ZGRF1: variants seen among roughly 807,000 people sequenced by gnomAD.
The protein encoded by ZGRF1 is zinc finger GRF-type containing 1, also known as 5'-3' DNA helicase ZGRF1.
Under a neutral mutation model 203.5 loss-of-function variants are expected in ZGRF1, and 196 were observed. That is an observed-to-expected ratio of 0.96 (90% CI 0.86 to 1.08). The LOEUF (loss-of-function observed/expected upper bound fraction) is 1.08, where lower values mean the gene tolerates loss of function less well. ZGRF1 is among the 50% of genes least tolerant of loss of function. The pLI is 0.00. For synonymous variants in ZGRF1, 809 were observed against 841.3 expected (o/e 0.96, Z 0.66); for missense variants, 2,326 against 2,416.3 (o/e 0.96, Z 0.78).
At chr4:112,608,152 G>A (rs1011856190) in intron 8 of ZGRF1, among the ~76,000 whole-genome samples, 4 of 152,072 alleles carry the variant, frequency 2.6e-5, no homozygotes, top group Non-Finnish European at 5.9e-5. Flanking sequence ...CAACTCAAAC[G>A]ATCCTCCTGC....
intron 16 of ZGRF1, among the ~76,000 whole-genome samples, chr4:112,577,710 A>G (rs571007168): frequency 8.1e-6 from 1 of 123,556 alleles, no homozygotes; most frequent in African/African-American, 2.8e-5. Flanking sequence ...AAAGGGATCA[A>G]TTCAACAAGA....
chr4:112,573,451 G>A (rs6533629), intron 16 of ZGRF1, among the ~76,000 whole-genome samples: 73,184 of 151,814 alleles, frequency 0.48, 18,105 homozygotes, highest in East Asian at 0.58. Flanking sequence ...AATTTGATAC[G>A]GTGTATACTG....
intron 22 of ZGRF1, among the ~76,000 whole-genome samples, chr4:112,550,028 T>A (rs1739615162): frequency 1.3e-5 from 2 of 152,022 alleles, no homozygotes; most frequent in South Asian, 4.1e-4. Flanking sequence ...CCGTCTCTAC[T>A]AAACATACAA....
intron 22 of ZGRF1, 22 bp downstream of exon 22, chr4:112,553,813 A>C (rs1312526519): frequency 5.7e-6 from 9 of 1,580,828 alleles, no homozygotes; most frequent in Non-Finnish European, 7.7e-6. Context: ...TCAAGAAACA[A>C]ATTGAAGCTA....
chr4:112,618,595 T>C lies in ZGRF1; in HGVS notation c.1447A>G (p.Lys483Glu), dbSNP rs1560869885. Residue 483 changes from lysine to glutamate, a missense_variant, in exon 6 of 28, where the codon AAA (lysine) becomes GAA (glutamate). Coordinates refer to ENST00000505019, the MANE Select transcript of ZGRF1 (RefSeq NM_018392.5). ...EQSESSLPEL[K>E]HLQIESSNNS... ...TTACTAGATTCAATTTGGAGATGTT[T>C]CAGTTCTGGCAGAGATGACTCTGAT... 1.9e-6 allele frequency: 3 copies of C among 1,613,784 alleles called. No individual in the cohort carries two copies. Among genetic ancestry groups the C allele is most frequent in the Non-Finnish European group, 2.5e-6 (3 of 1,179,846 alleles).
intron 16 of ZGRF1, among the ~76,000 whole-genome samples, chr4:112,566,275 G>A (rs1743050378): frequency 1.4e-5 from 2 of 145,248 alleles, no homozygotes; most frequent in African/African-American, 5.1e-5. Flanking sequence ...TCACTCATAG[G>A]TGGGAATTGA....
At chr4:112,608,687 T>C (rs1251683008) in intron 8 of ZGRF1, among the ~76,000 whole-genome samples, 2 of 152,206 alleles carry the variant, frequency 1.3e-5, no homozygotes, top group African/African-American at 4.8e-5. Flanking sequence ...ACGTGATCAT[T>C]TGTAAGCTAA....
chr4:112,554,685 C>G lies in ZGRF1; in HGVS notation c.5198+20G>C. 7.7e-7 allele frequency: 1 copy of G among 1,305,556 alleles called. No individual in the cohort carries two copies. Among genetic ancestry groups the G allele is most frequent in the East Asian group, 2.5e-5 (1 of 39,552 alleles). The allele number at this position is 1,305,556 out of a possible 1,614,324, so 80.9% of individuals were successfully genotyped here. ...CTTCCCTCTGACCATTCTGTGACTT[C>G]TGGAATTTTGCATTCTTACCTATAA... On this transcript the variant is annotated intron_variant, in intron 21 of 27. Transcript: ENST00000505019.
intron 5 of ZGRF1, 112 bp from the exon 6 acceptor site, chr4:112,619,802 A>C: frequency 1.0e-6 from 1 of 1,003,298 alleles, no homozygotes; most frequent in Non-Finnish European, 1.4e-6. Flanking sequence ...CCTAAGGTAA[A>C]GTAATAATTC....
At chr4:112,607,980 G>A (rs181440149) in intron 8 of ZGRF1, 5 of 151,980 alleles carry the variant, frequency 3.3e-5, no homozygotes, top group Admixed American at 2.0e-4. Flanking sequence ...AAATACAAAT[G>A]TACTCCTATC....
intron 16 of ZGRF1, among the ~76,000 whole-genome samples, chr4:112,574,020 G>A (rs567165951): frequency 1.3e-5 from 2 of 152,238 alleles, no homozygotes; most frequent in African/African-American, 4.8e-5. Flanking sequence ...CTTATACTTA[G>A]AATGAGTACA....
chr4:112,616,257 T>A (rs1367640785), intron 6 of ZGRF1, among the ~76,000 whole-genome samples: 1 of 152,028 alleles, frequency 6.6e-6, no homozygotes, highest in Non-Finnish European at 1.5e-5. Context: ...CAGTGGCTCA[T>A]GCCTGTAATC....
intron 10 of ZGRF1, among the ~76,000 whole-genome samples, chr4:112,596,857 T>C (rs930742421): frequency 1.2e-4 from 19 of 152,106 alleles, no homozygotes; most frequent in African/African-American, 4.6e-4. Flanking sequence ...CCTCCCCAAG[T>C]GCTGGGATTA....
At chr4:112,576,641 CAGT>C (rs1286406145) in intron 16 of ZGRF1, among the ~76,000 whole-genome samples, 1 of 152,118 alleles carries the variant, frequency 6.6e-6, no homozygotes, top group Non-Finnish European at 1.5e-5. Context: ...GCACAAGACT[CAGT>C]AGCCGATTCG....
At chr4:112,631,411 T>C (rs1380030823) in intron 3 of ZGRF1, among the ~76,000 whole-genome samples, 1 of 152,098 alleles carries the variant, frequency 6.6e-6, no homozygotes. Flanking sequence ...GGCTCACTCC[T>C]GTAATCCCAG....
intron 16 of ZGRF1, among the ~76,000 whole-genome samples, chr4:112,572,664 A>C (rs1437409674): frequency 6.6e-6 from 1 of 152,182 alleles, no homozygotes. Context: ...CTGACAAACG[A>C]TTAACACTCA....
chr4:112,560,494 G>A (rs1448701785), intron 19 of ZGRF1, among the ~76,000 whole-genome samples: 1 of 152,150 alleles, frequency 6.6e-6, no homozygotes, highest in Non-Finnish European at 1.5e-5. Context: ...GATCAATCTG[G>A]ATACTTTGAC....
chr4:112,550,050 G>A (rs751662562), intron 22 of ZGRF1, among the ~76,000 whole-genome samples: 4 of 152,132 alleles, frequency 2.6e-5, no homozygotes, highest in Non-Finnish European at 5.9e-5. Context: ...AAAATTAGCC[G>A]GGCGTGGTGG....
At chr4:112,633,639 C>G (rs1205510333) in intron 1 of ZGRF1, among the ~76,000 whole-genome samples, 1 of 152,174 alleles carries the variant, frequency 6.6e-6, no homozygotes, top group Non-Finnish European at 1.5e-5. Context: ...TTTTTCCTTT[C>G]ACTTCTTAGC....
Sources: gnomAD v4.1 joint callset for allele counts (sites outside exome capture counted in the v4.1 genomes callset) on GRCh38, gnomAD v4.1.1 for gene constraint, MANE v1.5 for transcripts, NCBI Gene and HGNC (gene_info 2026-07-23, HGNC 2026-07-21) for gene names.